VPS26C: variants seen among roughly 807,000 people sequenced by gnomAD.
VPS26C encodes VPS26 endosomal protein sorting factor C.
A neutral mutation model predicts 30.6 loss-of-function variants in VPS26C; 19 were observed. That is an observed-to-expected ratio of 0.62 (90% confidence interval 0.43 to 0.91). The LOEUF is 0.91. VPS26C is among the 40% of genes least tolerant of loss of function. VPS26C has a pLI of 0.00. For missense variants in VPS26C, 318 were observed against 385.1 expected, an observed-to-expected ratio of 0.83 and a Z score of 1.46; for synonymous variants, 132 against 151.5, an observed-to-expected ratio of 0.87 and a Z score of 0.95.
At chr21:37,246,084 C>T (rs2086135622) in intron 1 of VPS26C, among the ~76,000 whole-genome samples, 1 of 145,918 alleles carries the variant, frequency 6.9e-6, no homozygotes, top group Admixed American at 6.7e-5. Flanking sequence ...TAATTAAGTT[C>T]CAAATAAGAA....
At chr21:37,258,093 C>T (rs1217138037) in intron 1 of VPS26C, among the ~76,000 whole-genome samples, 2 of 152,348 alleles carry the variant, frequency 1.3e-5, no homozygotes, top group South Asian at 2.1e-4. Context: ...GCTCACACTA[C>T]GAGGTTAACT....
chr21:37,231,227 G>A (rs959589840), intron 5 of VPS26C, among the ~76,000 whole-genome samples: 10 of 152,158 alleles, frequency 6.6e-5, no homozygotes, highest in Admixed American at 5.2e-4. Context: ...ACACACACTC[G>A]ACAAACAGAA....
At chr21:37,260,294 G>T (rs1294652982) in intron 1 of VPS26C, among the ~76,000 whole-genome samples, 1 of 152,062 alleles carries the variant, frequency 6.6e-6, no homozygotes, top group Non-Finnish European at 1.5e-5. Context: ...GTTTCCATGG[G>T]AAATTTAATC....
At chr21:37,238,656 T>G (rs1252522598) in intron 2 of VPS26C, 47 bp from the exon 3 acceptor site, 1 of 1,599,098 alleles carries the variant, frequency 6.3e-7, no homozygotes, top group Non-Finnish European at 8.5e-7. Flanking sequence ...CTTGGAAATG[T>G]CCTTTCCAAT....
rs2085869408 is a variant in VPS26C, at chr21:37,223,528, T to C, written c.*2016A>G. 6.6e-6 allele frequency: 1 copy of C among 152,264 alleles called. No individual in the cohort carries two copies. The highest frequency in any genetic ancestry group is 6.5e-5 in the Admixed American group (1 of 15,284). The allele number at this position is 152,264 out of a possible 1,614,324, so 9.4% of individuals were successfully genotyped here. A position where few individuals can be genotyped will look rare whatever the true frequency, so the allele number is the denominator to read the frequency against. On this transcript the variant is annotated 3_prime_UTR_variant, in exon 8 of 8. Coordinates refer to ENST00000309117, the MANE Select transcript of VPS26C (RefSeq NM_006052.2). ...AAATTCGTTAAATATTTTCATCTCATTAAAAATGGTTTCTTCCTTTAAAAT... is the reference window on the plus strand; with the variant it reads ...AAATTCGTTAAATATTTTCATCTCACTAAAAATGGTTTCTTCCTTTAAAAT...
intron 1 of VPS26C, among the ~76,000 whole-genome samples, chr21:37,246,247 G>A (rs770536994): frequency 3.9e-5 from 6 of 151,954 alleles, no homozygotes; most frequent in African/African-American, 7.2e-5. Flanking sequence ...AAAAAAGATC[G>A]AGTCACTCAT....
In VPS26C at chr21:37,224,721, C is replaced by T. The variant is rs1262176007; in HGVS notation, c.*823G>A. On this transcript the variant is annotated 3_prime_UTR_variant, in exon 8 of 8. Coordinates refer to ENST00000309117, the MANE Select transcript of VPS26C (RefSeq NM_006052.2). ...ACTACAGAGGCTGGGTGTGGTGGCT[C>T]ACACCTGTAATCCCAGCACTTTGGG... The T allele has an allele frequency of 6.6e-6, 1 of 152,170 alleles. No individual in the cohort carries two copies. The highest frequency in any genetic ancestry group is 1.5e-5 in the Non-Finnish European group (1 of 68,056). 9.4% of individuals were successfully genotyped at this position (152,170 alleles called of 1,614,324 possible).
intron 1 of VPS26C, among the ~76,000 whole-genome samples, chr21:37,244,903 C>A (rs1166117150): frequency 1.3e-5 from 2 of 152,200 alleles, no homozygotes; most frequent in Non-Finnish European, 2.9e-5. Flanking sequence ...GAGAGGCATC[C>A]TGTCAACCCG....
chr21:37,264,571 T>C (rs546636025), intron 1 of VPS26C, among the ~76,000 whole-genome samples: 2 of 152,252 alleles, frequency 1.3e-5, no homozygotes, highest in Non-Finnish European at 2.9e-5. Context: ...AAATAATGAA[T>C]ACTAAAGTTA....
rs142282947 is a variant in VPS26C, at chr21:37,241,715, G to A, written c.58-1076C>T. On this transcript the variant is annotated intron_variant, in intron 1 of 7. Transcript: ENST00000309117. The stretch of plus-strand genomic sequence containing the variant: ...CACCCACCTGTGGTCCCAGCTACTG[G>A]GGAGGCTGAGGTGGGAGAATTGCTT... 9.2e-5 allele frequency among the ~76,000 whole-genome samples: 14 copies of A among 152,254 alleles called. No individual in the cohort carries two copies. The East Asian group carries it at 2.7e-3, about 29-fold the overall frequency.
chr21:37,228,588 G>C lies in VPS26C; in HGVS notation c.508-215C>G, dbSNP rs916337413. 4 of 528,078 alleles carry C rather than the reference G, an allele frequency of 7.6e-6. No homozygotes were observed. The African/African-American group carries it at 7.7e-5, about 10-fold the overall frequency. The allele number at this position is 528,078 out of a possible 1,614,324, so 32.7% of individuals were successfully genotyped here. ...GACTCTCTACATATGGCACCTGACT[G>C]ACACTCTGTGTACAGAGAATGCCTC... On this transcript the variant is annotated intron_variant, in intron 5 of 7. Transcript: ENST00000309117.
chr21:37,243,380 C>T lies in VPS26C; in HGVS notation c.58-2741G>A, dbSNP rs79714788. 4.5e-3 allele frequency among the ~76,000 whole-genome samples: 681 copies of T among 152,192 alleles called. 7 individuals carry two copies. Among genetic ancestry groups the T allele is most frequent in the African/African-American group, 0.016 (645 of 41,496 alleles). On this transcript the variant is annotated intron_variant, in intron 1 of 7. Coordinates refer to ENST00000309117, the MANE Select transcript of VPS26C (RefSeq NM_006052.2). Reference sequence around the variant, plus strand: ...GGTGCTACTGTTTTGGGAGAAGAGCCGTAGCTTCTGTCTCATCATGGAGGA... The same window carrying T: ...GGTGCTACTGTTTTGGGAGAAGAGCTGTAGCTTCTGTCTCATCATGGAGGA...
chr21:37,234,292 C>T (rs2085997104), intron 3 of VPS26C, among the ~76,000 whole-genome samples: 1 of 152,232 alleles, frequency 6.6e-6, no homozygotes, highest in Non-Finnish European at 1.5e-5. Flanking sequence ...GGTTGGAAAA[C>T]AATGTAGCAT....
chr21:37,249,263 A>C (rs1218317300), intron 1 of VPS26C, among the ~76,000 whole-genome samples: 2 of 152,242 alleles, frequency 1.3e-5, no homozygotes, highest in East Asian at 3.8e-4. Flanking sequence ...GCAGGAGGTA[A>C]AATGATCACT....
chr21:37,232,600 C>T (rs994648484), intron 4 of VPS26C, 149 bp from the exon 5 acceptor site: 23 of 646,312 alleles, frequency 3.6e-5, no homozygotes, highest in Middle Eastern at 2.8e-4. Context: ...GTCCTGAACA[C>T]AGTTCTGTCA....
upstream of VPS26C, chr21:37,268,097 C>A (rs1230851110): frequency 6.6e-6 from 1 of 152,286 alleles, no homozygotes; most frequent in Non-Finnish European, 1.5e-5. Context: ...GGTCACCCGC[C>A]AGCCGGGCTC....
At chr21:37,263,523 GAA>G (rs2086326654) in intron 1 of VPS26C, among the ~76,000 whole-genome samples, 1 of 152,184 alleles carries the variant, frequency 6.6e-6, no homozygotes, top group South Asian at 2.1e-4. Flanking sequence ...GTTGGGTTAT[GAA>G]ATTCATCAAC....
At chr21:37,249,257 G>A (rs1318040627) in intron 1 of VPS26C, among the ~76,000 whole-genome samples, 1 of 152,168 alleles carries the variant, frequency 6.6e-6, no homozygotes, top group East Asian at 1.9e-4. Context: ...TCAAAGGCAG[G>A]AGGTAAAATG....
intron 1 of VPS26C, among the ~76,000 whole-genome samples, chr21:37,265,029 C>G (rs796653875): frequency 2.0e-5 from 3 of 152,252 alleles, no homozygotes; most frequent in Admixed American, 6.5e-5. Flanking sequence ...AGAAGCCTGT[C>G]AGTCAAAAGG....
Sources: allele counts gnomAD v4.1 joint callset (sites outside exome capture counted in the v4.1 genomes callset), GRCh38; gene constraint gnomAD v4.1.1; transcripts MANE v1.5; gene names NCBI Gene and HGNC (gene_info 2026-07-23, HGNC 2026-07-21).